The following MDGA2 variants were observed in gnomAD, a reference collection of about 807,000 sequenced individuals.
The protein encoded by MDGA2 is MAM domain containing glycosylphosphatidylinositol anchor 2.
MDGA2 carries 40 observed loss-of-function variants against 117.8 expected under a neutral mutation model. That is an observed-to-expected ratio of 0.34 (90% CI 0.26 to 0.44). The LOEUF is 0.44. Among genes scored for constraint, MDGA2 ranks in the 20% least tolerant of loss-of-function variants. The probability of loss-of-function intolerance (pLI) is 1.00; values close to 1 mark genes in which losing one functional copy is unlikely to be tolerated. For synonymous variants in MDGA2, 452 were observed against 439.0 expected (o/e 1.03, Z -0.37); for missense variants, 1,123 against 1,250.6 (o/e 0.90, Z 1.54).
In MDGA2 at chr14:47,427,123, G is replaced by A. The variant is rs573915807; in HGVS notation, c.281-125573C>T. Reference sequence around the variant, plus strand: ...CAGTCTAAACAGGTATAAACTTCCCGTAAACTGCCATCATGCCATTATTGT... The same window carrying A: ...CAGTCTAAACAGGTATAAACTTCCCATAAACTGCCATCATGCCATTATTGT... On this transcript the variant is annotated intron_variant, in intron 1 of 16. Coordinates refer to ENST00000399232, the MANE Select transcript of MDGA2 (RefSeq NM_001113498.3). Among the ~76,000 whole-genome samples, 26 of 152,092 alleles carry A rather than the reference G, an allele frequency of 1.7e-4. No individual in the cohort carries two copies. In the East Asian group the frequency reaches 2.3e-3, roughly 14 times the overall value.
chr14:47,475,060 G>C (rs1429463336), intron 1 of MDGA2, among the ~76,000 whole-genome samples: 2 of 152,112 alleles, frequency 1.3e-5, no homozygotes, highest in Non-Finnish European at 2.9e-5. Flanking sequence ...TACAGAATGG[G>C]AGAAAATTTT....
intron 10 of MDGA2, among the ~76,000 whole-genome samples, chr14:46,916,763 C>A (rs1883915286): frequency 1.3e-5 from 2 of 152,000 alleles, no homozygotes; most frequent in Admixed American, 1.3e-4. Flanking sequence ...ATTGAGACAT[C>A]CCTGAAAGAT....
intron 9 of MDGA2, among the ~76,000 whole-genome samples, chr14:46,929,571 G>A (rs1367131856): frequency 1.0e-5 from 1 of 97,886 alleles, no homozygotes; most frequent in East Asian, 3.6e-4. Context: ...TATATATCAA[G>A]TATATATACG....
chr14:47,324,044 G>A (rs1890067348), intron 1 of MDGA2, among the ~76,000 whole-genome samples: 1 of 151,792 alleles, frequency 6.6e-6, no homozygotes, highest in Admixed American at 6.6e-5. Flanking sequence ...AGGAGACTGA[G>A]ACCATCCTGG....
intron 4 of MDGA2, among the ~76,000 whole-genome samples, chr14:47,139,118 CATT>C (rs780013464): frequency 1.3e-5 from 2 of 152,028 alleles, no homozygotes; most frequent in African/African-American, 2.4e-5. Flanking sequence ...TATTAAATAA[CATT>C]ATTATTGAAA....
chr14:47,332,050 G>T (rs991205559), intron 1 of MDGA2, among the ~76,000 whole-genome samples: 6 of 152,006 alleles, frequency 3.9e-5, no homozygotes, highest in Non-Finnish European at 7.4e-5. Flanking sequence ...CTTGCAGAAT[G>T]ATTCAGGATA....
chr14:46,981,267 G>A (rs1886662671), intron 8 of MDGA2, among the ~76,000 whole-genome samples: 1 of 152,094 alleles, frequency 6.6e-6, no homozygotes, highest in Middle Eastern at 3.4e-3. Flanking sequence ...AGCTGGCTGT[G>A]GTGGTATGCG....
intron 7 of MDGA2, among the ~76,000 whole-genome samples, chr14:47,042,941 T>C (rs1031114059): frequency 5.9e-5 from 9 of 152,058 alleles, no homozygotes; most frequent in African/African-American, 2.2e-4. Flanking sequence ...TTTAGAAGAA[T>C]TGCCTTAAAA....
chr14:46,953,972 C>A (rs192171774), intron 9 of MDGA2, among the ~76,000 whole-genome samples: 1 of 152,122 alleles, frequency 6.6e-6, no homozygotes, highest in Admixed American at 6.6e-5. Context: ...CATCTGGTTT[C>A]CTATATAATC....
intron 1 of MDGA2, among the ~76,000 whole-genome samples, chr14:47,530,242 A>G (rs1319253023): frequency 1.3e-5 from 2 of 150,974 alleles, no homozygotes; most frequent in East Asian, 1.9e-4. Context: ...TCATCTTGCC[A>G]CGGCTCTTCT....
intron 11 of MDGA2, among the ~76,000 whole-genome samples, chr14:46,879,039 A>G (rs1882343266): frequency 6.6e-6 from 1 of 152,122 alleles, no homozygotes; most frequent in African/African-American, 2.4e-5. Flanking sequence ...TAATTTTTTT[A>G]TAAATGCATA....
chr14:47,289,338 C>CACACACAT (rs3039469), intron 2 of MDGA2, among the ~76,000 whole-genome samples: 1 of 148,320 alleles, frequency 6.7e-6, no homozygotes, highest in Non-Finnish European at 1.5e-5. Flanking sequence ...CACACACACA[C>CACACACAT]GCACACACTC....
At chr14:46,902,650 T>C (rs1244425674) in intron 10 of MDGA2, among the ~76,000 whole-genome samples, 1 of 152,230 alleles carries the variant, frequency 6.6e-6, no homozygotes, top group Admixed American at 6.5e-5. Flanking sequence ...ATACAAGGAC[T>C]ACAGTGAGTT....
At chr14:47,248,875 G>A (rs1887341819) in intron 2 of MDGA2, among the ~76,000 whole-genome samples, 1 of 151,980 alleles carries the variant, frequency 6.6e-6, no homozygotes, top group African/African-American at 2.4e-5. Flanking sequence ...TATATTTGGT[G>A]ATATTACCAT....
chr14:47,513,108 A>G (rs1894676846), intron 1 of MDGA2, among the ~76,000 whole-genome samples: 1 of 152,106 alleles, frequency 6.6e-6, no homozygotes, highest in Non-Finnish European at 1.5e-5. Flanking sequence ...AATCTAAAAT[A>G]CTGATGACTT....
chr14:47,599,588 C>T (rs1896609803), intron 1 of MDGA2, among the ~76,000 whole-genome samples: 1 of 152,148 alleles, frequency 6.6e-6, no homozygotes, highest in African/African-American at 2.4e-5. Flanking sequence ...GCCTCCATTT[C>T]CCCCTTTGAC....
chr14:47,180,845 C>T (rs539518248), intron 3 of MDGA2, among the ~76,000 whole-genome samples: 67 of 152,146 alleles, frequency 4.4e-4, no homozygotes, highest in African/African-American at 1.3e-3. Context: ...CGCTTGAACC[C>T]GGGAGAAAAA....
At chr14:47,022,675 A>G (rs1888328735) in intron 8 of MDGA2, among the ~76,000 whole-genome samples, 1 of 152,188 alleles carries the variant, frequency 6.6e-6, no homozygotes, top group South Asian at 2.1e-4. Flanking sequence ...GCAGGGGGGA[A>G]ATGATATTGG....
intron 3 of MDGA2, among the ~76,000 whole-genome samples, chr14:47,187,184 C>G (rs1010094261): frequency 6.6e-6 from 1 of 151,348 alleles, no homozygotes; most frequent in Non-Finnish European, 1.5e-5. Flanking sequence ...GAAAAAAAAA[C>G]GAGAAATAAT....
Sources: gnomAD v4.1 joint callset for allele counts (sites outside exome capture counted in the v4.1 genomes callset) on GRCh38, gnomAD v4.1.1 for gene constraint, MANE v1.5 for transcripts, NCBI Gene and HGNC (gene_info 2026-07-23, HGNC 2026-07-21) for gene names.